Variants in FRAS1 observed in about 807,000 individuals in gnomAD.
FRAS1 encodes extracellular matrix organizing protein FRAS1.
Under a neutral mutation model 435.2 loss-of-function variants are expected in FRAS1, and 290 were observed. That is an observed-to-expected ratio of 0.67 (90% CI 0.61 to 0.73). The LOEUF (loss-of-function observed/expected upper bound fraction) is 0.73, where lower values mean the gene tolerates loss of function less well. Among genes scored for constraint, FRAS1 ranks in the 30% least tolerant of loss-of-function variants. The probability of loss-of-function intolerance (pLI) is 0.00; values close to 1 mark genes in which losing one functional copy is unlikely to be tolerated. For missense variants in FRAS1, 4,860 were observed against 5,001.5 expected (o/e 0.97, Z 0.85); for synonymous variants, 1,800 against 1,851.0 (o/e 0.97, Z 0.71).
chr4:78,128,032 T>G (rs1719468731), intron 2 of FRAS1, among the ~76,000 whole-genome samples: 1 of 152,014 alleles, frequency 6.6e-6, no homozygotes, highest in African/African-American at 2.4e-5. Context: ...GATAGTTTGC[T>G]GAGGATGATG....
intron 15 of FRAS1, among the ~76,000 whole-genome samples, chr4:78,310,944 T>C (rs1728992719): frequency 6.6e-6 from 1 of 152,204 alleles, no homozygotes; most frequent in Non-Finnish European, 1.5e-5. Context: ...TGAAGGGTGG[T>C]ATGCCCTGGC....
chr4:78,272,627 T>C (rs1578219695), intron 9 of FRAS1, among the ~76,000 whole-genome samples: 2 of 152,318 alleles, frequency 1.3e-5, no homozygotes, highest in Non-Finnish European at 1.5e-5. Context: ...GTTGTAGATA[T>C]GCGGCATTAT....
intron 29 of FRAS1, among the ~76,000 whole-genome samples, chr4:78,393,008 CT>C (rs36105436): frequency 0.15 from 21,194 of 139,180 alleles, 1,940 homozygotes; most frequent in African/African-American, 0.28. Context: ...ATGCTTCTTC[CT>C]TTTTTTTTTT....
At chr4:78,452,871 A>G (rs1340826993) in intron 47 of FRAS1, among the ~76,000 whole-genome samples, 1 of 99,522 alleles carries the variant, frequency 1.0e-5, no homozygotes, top group African/African-American at 3.2e-5. Flanking sequence ...AAAATATGGC[A>G]GGTGTTTTAA....
At chr4:78,456,146 T>TTCTTTTC (rs1553962173) in intron 47 of FRAS1, among the ~76,000 whole-genome samples, 1 of 134,470 alleles carries the variant, frequency 7.4e-6, no homozygotes, top group Non-Finnish European at 1.6e-5. Flanking sequence ...CACTTTTTTT[T>TTCTTTTC]TTTTTTTTTT....
In FRAS1 at chr4:78,472,202, A is replaced by G; in HGVS notation, c.7394A>G (p.Lys2465Arg). The G allele has an allele frequency of 6.2e-7, 1 of 1,613,972 alleles. No homozygotes were observed. The change falls in exon 52 of 74, where the codon AAG becomes AGG. Residue 2465 changes from lysine (K) to arginine (R), a missense_variant. Transcript: ENST00000512123. ...TAGGCAACCAACCTGATCACCAAGA[A>G]GGAACTGCTGACCATGGACCCAGAC... ...DGKATNLITK[K>R]ELLTMDPDTE...
chr4:78,391,871 A>G (rs1445119483), intron 29 of FRAS1, among the ~76,000 whole-genome samples: 1 of 152,176 alleles, frequency 6.6e-6, no homozygotes, highest in African/African-American at 2.4e-5. Flanking sequence ...AGTTGGTTTG[A>G]TAATAGTGAC....
At chr4:78,226,730 C>T (rs575548010) in intron 2 of FRAS1, among the ~76,000 whole-genome samples, 1 of 151,876 alleles carries the variant, frequency 6.6e-6, no homozygotes, top group Admixed American at 6.6e-5. Context: ...TATTTTTCTT[C>T]AGTTTTGGAA....
At chr4:78,105,380 C>T (rs1018147022) in intron 2 of FRAS1, among the ~76,000 whole-genome samples, 1 of 152,170 alleles carries the variant, frequency 6.6e-6, no homozygotes, top group Admixed American at 6.5e-5. Flanking sequence ...TCAAAGCACT[C>T]TAGATGTGCT....
Position 78,237,637 on chromosome 4 carries a change from T to C in FRAS1, c.216+20T>C. ...GAGAAGGTACGGTATCCTAATTGTG[T>C]CCTAAATGTATTGGTAAAGTCAGTG... On this transcript the variant is annotated intron_variant, in intron 3 of 73. Coordinates refer to ENST00000512123, the MANE Select transcript of FRAS1 (RefSeq NM_025074.7). The C allele has an allele frequency of 7.0e-7, 1 of 1,430,806 alleles. No homozygotes were observed. Among genetic ancestry groups the C allele is most frequent in the Non-Finnish European group, 9.7e-7 (1 of 1,035,592 alleles). 88.6% of individuals were successfully genotyped at this position (1,430,806 alleles called of 1,614,324 possible).
chr4:78,529,113 G>A (rs1721633945), intron 70 of FRAS1, among the ~76,000 whole-genome samples: 1 of 151,962 alleles, frequency 6.6e-6, no homozygotes, highest in Non-Finnish European at 1.5e-5. Flanking sequence ...GGAGGTGAGG[G>A]AGTCAAGGAA....
chr4:78,357,829 A>T (rs1730919075), intron 20 of FRAS1, among the ~76,000 whole-genome samples: 1 of 152,174 alleles, frequency 6.6e-6, no homozygotes, highest in African/African-American at 2.4e-5. Flanking sequence ...TGGAGCCCCG[A>T]GTTCAAGGTT....
chr4:78,428,989 G>T, intron 35 of FRAS1, 106 bp from the exon 36 acceptor site: 1 of 1,201,518 alleles, frequency 8.3e-7, no homozygotes, highest in Non-Finnish European at 1.2e-6. Context: ...CATATTTGTG[G>T]AAACTGCCTG....
intron 53 of FRAS1, 75 bp downstream of exon 53, chr4:78,473,672 G>C (rs1013830474): frequency 7.8e-5 from 94 of 1,209,470 alleles, no homozygotes; most frequent in Non-Finnish European, 1.1e-4. Context: ...AAGGATGCTG[G>C]GGGGCAGCTC....
chr4:78,368,872 G>T (rs1247491919), intron 22 of FRAS1, among the ~76,000 whole-genome samples: 1 of 152,180 alleles, frequency 6.6e-6, no homozygotes, highest in African/African-American at 2.4e-5. Context: ...GGAATGGTAG[G>T]GGAGCAATAT....
In FRAS1 at chr4:78,522,644, A is replaced by T; in HGVS notation, c.10649-5A>T. On this transcript the variant is annotated splice_region_variant and splice_polypyrimidine_tract_variant and intron_variant, in intron 68 of 73. Transcript: ENST00000512123. Reference sequence around the variant, plus strand: ...ATTAAATGCATGTGTTTCCCCTTCAAATAGGACAGTTTGTGATGGAGCATC... The same window carrying T: ...ATTAAATGCATGTGTTTCCCCTTCATATAGGACAGTTTGTGATGGAGCATC... 6.3e-7 allele frequency: 1 copy of T among 1,596,360 alleles called. No homozygotes were observed. Among genetic ancestry groups the T allele is most frequent in the Non-Finnish European group, 8.5e-7 (1 of 1,170,724 alleles).
chr4:78,535,020 G>A (rs1023565638), intron 71 of FRAS1, among the ~76,000 whole-genome samples: 3 of 152,178 alleles, frequency 2.0e-5, no homozygotes, highest in East Asian at 3.9e-4. Context: ...CTCACTTCAC[G>A]GTCACTTCTC....
At chr4:78,524,878 G>A (rs10028729) in intron 69 of FRAS1, among the ~76,000 whole-genome samples, 56,626 of 151,970 alleles carry the variant, frequency 0.37, 10,794 homozygotes, top group South Asian at 0.54. Flanking sequence ...CAGAAATGGG[G>A]AGACATTATA....
intron 2 of FRAS1, among the ~76,000 whole-genome samples, chr4:78,080,048 C>T (rs1447984397): frequency 6.6e-6 from 1 of 152,106 alleles, no homozygotes; most frequent in East Asian, 1.9e-4. Flanking sequence ...TTTCCTATCT[C>T]TTAACTCCCC....
Sources: allele counts gnomAD v4.1 joint callset (sites outside exome capture counted in the v4.1 genomes callset), GRCh38; gene constraint gnomAD v4.1.1; transcripts MANE v1.5; gene names NCBI Gene and HGNC (gene_info 2026-07-23, HGNC 2026-07-21).